The following BCAS3 variants were observed in gnomAD, a reference collection of about 807,000 sequenced individuals.
The protein encoded by BCAS3 is BCAS4/BCAS3 fusion.
In BCAS3, 53 loss-of-function variants were observed where a neutral mutation model predicts 116.1. The observed-to-expected ratio is 0.46, with a 90% confidence interval of 0.37 to 0.57. The LOEUF (loss-of-function observed/expected upper bound fraction) is 0.57. Among genes scored for constraint, BCAS3 ranks in the 20% least tolerant of loss-of-function variants. BCAS3 has a pLI of 0.00. For missense variants in BCAS3, 917 were observed against 1,165.4 expected, an observed-to-expected ratio of 0.79 and a Z score of 3.10; for synonymous variants, 391 against 408.2, an observed-to-expected ratio of 0.96 and a Z score of 0.51.
chr17:60,914,488 A>C (rs1252314405), intron 12 of BCAS3, among the ~76,000 whole-genome samples: 1 of 152,214 alleles, frequency 6.6e-6, no homozygotes, highest in Non-Finnish European at 1.5e-5. Flanking sequence ...ATAATATATG[A>C]AAGGAAAGGG....
At chr17:60,772,980 G>C (rs1346846854) in intron 6 of BCAS3, among the ~76,000 whole-genome samples, 1 of 152,182 alleles carries the variant, frequency 6.6e-6, no homozygotes, top group African/African-American at 2.4e-5. Flanking sequence ...TAAATATCAA[G>C]GAGCATGCTT....
In BCAS3 at chr17:61,324,966, A is replaced by C. The variant is rs1387262536; in HGVS notation, c.2426-43361A>C. On this transcript the variant is annotated intron_variant, in intron 22 of 23. Transcript: ENST00000407086. The surrounding 1 kb of genome is among the most constrained non-coding windows in gnomAD (Gnocchi z 4.6). The stretch of plus-strand genomic sequence containing the variant: ...AGCTGCTAGAGGAGAAAGAGGAAAC[A>C]GTTTAAAAATTAAGTTAGAGAGTTC... 1.3e-5 allele frequency among the ~76,000 whole-genome samples: 2 copies of C among 152,254 alleles called. No homozygotes were observed. The highest frequency in any genetic ancestry group is 4.8e-5 in the African/African-American group (2 of 41,468).
chr17:60,698,173 C>A (rs2143915330), intron 4 of BCAS3, among the ~76,000 whole-genome samples: 1 of 126,826 alleles, frequency 7.9e-6, no homozygotes, highest in East Asian at 2.2e-4. Context: ...CAGAGCGAGA[C>A]TCCGTCTCAC....
intron 14 of BCAS3, among the ~76,000 whole-genome samples, chr17:60,968,489 C>G (rs2061777198): frequency 6.6e-6 from 1 of 152,154 alleles, no homozygotes; most frequent in Non-Finnish European, 1.5e-5. Context: ...CCTGCCTTGG[C>G]CTTTCAAGGC....
At position 60,893,695 on chromosome 17, in the gene BCAS3, G is replaced by A. The variant is rs546385945; in HGVS notation, c.738+3924G>A. ...GTAATCTCTGCTTGTTGCAACCTCC[G>A]CCTCCTGGGTTCAAGTGATTCTTTC... is the stretch of plus-strand genomic sequence containing the variant. On this transcript the variant is annotated intron_variant, in intron 10 of 23. Transcript: ENST00000407086. 1.4e-4 allele frequency among the ~76,000 whole-genome samples: 19 copies of A among 136,024 alleles called. No homozygotes were observed. In the South Asian group the frequency reaches 2.9e-3, roughly 21 times the overall value. 89.2% of individuals were successfully genotyped at this position (136,024 alleles called of 152,430 possible).
Position 61,313,411 on chromosome 17 carries a change from AT to A in BCAS3, c.2426-54913del, listed in dbSNP as rs1390830349. ...ATCTGGAATATTAGTTTTCAACCAC[AT>A]TTCAGACACAGAAAGTGGAGCCTAA... On this transcript the variant is annotated intron_variant, in intron 22 of 23. Transcript: ENST00000407086. This position sits in a 1 kb window ranked among gnomAD's most constrained non-coding sequence, Gnocchi z 4.3. Among the ~76,000 whole-genome samples the A allele has an allele frequency of 2.6e-5, 4 of 152,210 alleles. No individual in the cohort carries two copies. Among genetic ancestry groups the A allele is most frequent in the Admixed American group, 6.5e-5 (1 of 15,282 alleles).
intron 4 of BCAS3, among the ~76,000 whole-genome samples, chr17:60,695,612 T>A (rs755155397): frequency 2.6e-5 from 4 of 152,138 alleles, no homozygotes; most frequent in African/African-American, 4.8e-5. Flanking sequence ...TAAAATTTTA[T>A]TTTTAGAGAC....
chr17:60,948,968 C>A (rs903231384), intron 14 of BCAS3, among the ~76,000 whole-genome samples: 1 of 151,796 alleles, frequency 6.6e-6, no homozygotes, highest in African/African-American at 2.4e-5. Context: ...CCTCCACCTC[C>A]TGGGTTCAAG....
chr17:61,067,273 G>GTGTGTATATATA (rs1251223420), intron 19 of BCAS3, among the ~76,000 whole-genome samples: 1 of 58,800 alleles, frequency 1.7e-5, no homozygotes, highest in East Asian at 5.1e-4. Context: ...GTGTGTATGT[G>GTGTGTATATATA]TATATATATA....
chr17:61,357,958 C>G (rs1313769400), intron 22 of BCAS3, among the ~76,000 whole-genome samples: 1 of 151,728 alleles, frequency 6.6e-6, no homozygotes, highest in Non-Finnish European at 1.5e-5. Context: ...CATGGTGGCA[C>G]ATGCCTGTAA....
chr17:61,286,416 G>T lies in BCAS3; in HGVS notation c.2426-81911G>T, dbSNP rs2051790794. On this transcript the variant is annotated intron_variant, in intron 22 of 23. Transcript: ENST00000407086. This position sits in a 1 kb window ranked among gnomAD's most constrained non-coding sequence, Gnocchi z 4.8. ...CGTGTGGAGAGGCCTCTGGTTATTGGGAGGCTGGTAAATGGCCAGCAGGAT... is the reference window on the plus strand; with the variant it reads ...CGTGTGGAGAGGCCTCTGGTTATTGTGAGGCTGGTAAATGGCCAGCAGGAT... 6.6e-6 allele frequency among the ~76,000 whole-genome samples: 1 copy of T among 152,170 alleles called. No homozygotes were observed. Among genetic ancestry groups the T allele is most frequent in the African/African-American group, 2.4e-5 (1 of 41,428 alleles).
intron 22 of BCAS3, among the ~76,000 whole-genome samples, chr17:61,231,869 CAAAAAAAA>C (rs72247548): frequency 1.0e-5 from 1 of 100,450 alleles, no homozygotes; most frequent in East Asian, 2.6e-4. Flanking sequence ...GACCCTGTCT[CAAAAAAAA>C]AAAAAAAAAA....
At chr17:60,734,705 A>G (rs1234079836) in intron 5 of BCAS3, among the ~76,000 whole-genome samples, 1 of 152,202 alleles carries the variant, frequency 6.6e-6, no homozygotes, top group Non-Finnish European at 1.5e-5. Flanking sequence ...TTTCACCAAT[A>G]CTACACTGTT....
Position 60,910,707 on chromosome 17 carries a change from G to A in BCAS3, c.993+5G>A, listed in dbSNP as rs200662861. ...GAAACCGTTGGAGAGGGCCAGGTAAGAAGAACTTTTGGTGCGTACCATGTG... is the reference window on the plus strand; with the variant it reads ...GAAACCGTTGGAGAGGGCCAGGTAAAAAGAACTTTTGGTGCGTACCATGTG... On this transcript the variant is annotated splice_donor_5th_base_variant and intron_variant, in intron 12 of 23. Transcript: ENST00000407086. 4.9e-5 allele frequency: 78 copies of A among 1,599,714 alleles called. No homozygotes were observed. The East Asian group carries it at 1.7e-3, about 35-fold the overall frequency.
chr17:60,957,244 T>A (rs1384836696), intron 14 of BCAS3, among the ~76,000 whole-genome samples: 1 of 152,198 alleles, frequency 6.6e-6, no homozygotes, highest in Non-Finnish European at 1.5e-5. Flanking sequence ...CATTCTAGAA[T>A]AATACTGTGA....
chr17:60,761,047 A>G (rs72843583), intron 6 of BCAS3, among the ~76,000 whole-genome samples: 2,391 of 151,950 alleles, frequency 0.016, 20 homozygotes, highest in Non-Finnish European at 0.026. Context: ...CTTCTGTTCT[A>G]GAATTTCTGT....
chr17:60,718,905 CA>C (rs1274103492), intron 5 of BCAS3, among the ~76,000 whole-genome samples: 1 of 151,752 alleles, frequency 6.6e-6, no homozygotes, highest in Admixed American at 6.6e-5. Flanking sequence ...ACTAAAAATA[CA>C]AAAAAATTAG....
chr17:61,371,047 A>G (rs2059017682), intron 23 of BCAS3, among the ~76,000 whole-genome samples: 1 of 152,210 alleles, frequency 6.6e-6, no homozygotes, highest in South Asian at 2.1e-4. Context: ...GATGCACCAG[A>G]GCTAAGTCAG....
intron 5 of BCAS3, among the ~76,000 whole-genome samples, chr17:60,744,377 A>C (rs543524967): frequency 6.6e-6 from 1 of 152,352 alleles, no homozygotes; most frequent in South Asian, 2.1e-4. Flanking sequence ...CAAAATTATC[A>C]GTGGACATAA....
Sources: allele counts gnomAD v4.1 joint callset (sites outside exome capture counted in the v4.1 genomes callset), GRCh38; gene constraint gnomAD v4.1.1; non-coding constraint Gnocchi (gnomAD v3.1); transcripts MANE v1.5; gene names NCBI Gene and HGNC (gene_info 2026-07-23, HGNC 2026-07-21).